FAM118A: variants seen among roughly 807,000 people sequenced by gnomAD.
The protein encoded by FAM118A is SIR2 antiphage like 2, also known as protein FAM118A.
FAM118A carries 25 observed loss-of-function variants against 38.2 expected under a neutral mutation model. That is an observed-to-expected ratio of 0.65 (90% CI 0.48 to 0.91). The LOEUF is 0.91. Ranked by LOEUF, FAM118A falls within the 40% of genes least tolerant of loss-of-function variation. The pLI, the probability that FAM118A is intolerant of heterozygous loss-of-function variation, is 0.00. For synonymous variants in FAM118A, 178 were observed against 184.1 expected (o/e 0.97, Z 0.27); for missense variants, 425 against 463.3 (o/e 0.92, Z 0.76).
At chr22:45,312,826 A>G (rs1221053867) in intron 1 of FAM118A, among the ~76,000 whole-genome samples, 2 of 152,204 alleles carry the variant, frequency 1.3e-5, no homozygotes, top group Non-Finnish European at 2.9e-5. Flanking sequence ...GGGGTGTACC[A>G]TTCTCCAGAA....
chr22:45,341,809 A>T lies in FAM118A; in HGVS notation c.*1404A>T, dbSNP rs1174324042. 1 of 152,214 alleles carries T rather than the reference A, an allele frequency of 6.6e-6. No individual in the cohort carries two copies. Among genetic ancestry groups the T allele is most frequent in the Non-Finnish European group, 1.5e-5 (1 of 68,044 alleles). The allele number at this position is 152,214 out of a possible 1,614,324, so 9.4% of individuals were successfully genotyped here. Reference sequence around the variant, plus strand: ...GTGACACTCCCCATTGATGACTCCCATAGGTACAGATAAAGTTAAGAACAG... The same window carrying T: ...GTGACACTCCCCATTGATGACTCCCTTAGGTACAGATAAAGTTAAGAACAG... On this transcript the variant is annotated 3_prime_UTR_variant, in exon 9 of 9. Transcript: ENST00000441876.
At chr22:45,338,837 G>C (rs2086278442) in intron 8 of FAM118A, among the ~76,000 whole-genome samples, 1 of 152,194 alleles carries the variant, frequency 6.6e-6, no homozygotes, top group Admixed American at 6.5e-5. Context: ...TCATGTCCCT[G>C]CACGTTCCTT....
At chr22:45,335,808 C>T (rs904265629) in intron 7 of FAM118A, among the ~76,000 whole-genome samples, 1 of 152,228 alleles carries the variant, frequency 6.6e-6, no homozygotes, top group African/African-American at 2.4e-5. Context: ...AATGTGAACG[C>T]TCTTCTTGCT....
intron 3 of FAM118A, 41 bp from the exon 4 acceptor site, chr22:45,327,801 A>T: frequency 6.3e-7 from 1 of 1,599,416 alleles, no homozygotes. Flanking sequence ...GTAGTTGTTA[A>T]GAGCTGATGT....
At chr22:45,334,885 C>G (rs1302665986) in intron 6 of FAM118A, 1 of 160,690 alleles carries the variant, frequency 6.2e-6, no homozygotes, top group African/African-American at 2.4e-5. Flanking sequence ...CCAGAGTAAC[C>G]CTGCATGTGC....
chr22:45,336,228 G>T, intron 7 of FAM118A, 100 bp from the exon 8 acceptor site: 1 of 812,294 alleles, frequency 1.2e-6, no homozygotes, highest in Admixed American at 2.4e-5. Flanking sequence ...TGGATGGCAG[G>T]GTCTGCTTGG....
chr22:45,317,328 G>A (rs1221644411), intron 1 of FAM118A, among the ~76,000 whole-genome samples: 4 of 152,320 alleles, frequency 2.6e-5, no homozygotes, highest in East Asian at 3.9e-4. Context: ...GCACCAAGCC[G>A]AGATTGCGCC....
intron 1 of FAM118A, among the ~76,000 whole-genome samples, chr22:45,314,786 C>T (rs1237414816): frequency 1.3e-5 from 2 of 152,206 alleles, no homozygotes; most frequent in East Asian, 3.8e-4. Flanking sequence ...TAATGTGTCA[C>T]ATCTGGTGGA....
At chr22:45,323,041 CTGTGTGTGTGTG>C (rs3041118) in intron 2 of FAM118A, 122 bp from the exon 3 acceptor site, 50 of 659,782 alleles carry the variant, frequency 7.6e-5, no homozygotes, top group South Asian at 2.0e-4. Context: ...TCAGAGGGGA[CTGTGTGTGTGTG>C]TGTGTGTGTG....
chr22:45,335,638 T>C (rs375219324), intron 7 of FAM118A, among the ~76,000 whole-genome samples: 1 of 152,186 alleles, frequency 6.6e-6, no homozygotes, highest in Admixed American at 6.5e-5. Context: ...AATAATTTCT[T>C]GCCCTAGAAC....
chr22:45,327,822 G>A lies in FAM118A; in HGVS notation c.301-20G>A, dbSNP rs763617453. On this transcript the variant is annotated intron_variant, in intron 3 of 8. Transcript: ENST00000441876. ...GTTAAGAGCTGATGTTTTGGTAACTGTCGTTCCACCTTTTTGTAGCGCACA... is the reference window on the plus strand; with the variant it reads ...GTTAAGAGCTGATGTTTTGGTAACTATCGTTCCACCTTTTTGTAGCGCACA... 6.2e-7 allele frequency: 1 copy of A among 1,613,574 alleles called. No homozygotes were observed. The highest frequency in any genetic ancestry group is 1.1e-5 in the South Asian group (1 of 91,056).
chr22:45,338,540 C>T (rs545843646), intron 8 of FAM118A, among the ~76,000 whole-genome samples: 2 of 152,296 alleles, frequency 1.3e-5, no homozygotes, highest in South Asian at 2.1e-4. Flanking sequence ...CTCTTGTTTT[C>T]TTAGTTACCT....
At chr22:45,319,523 TC>T (rs1367605242) in intron 1 of FAM118A, among the ~76,000 whole-genome samples, 3 of 152,200 alleles carry the variant, frequency 2.0e-5, no homozygotes, top group Admixed American at 1.3e-4. Context: ...ACTCAGCAGT[TC>T]CAGCTGCCAG....
At chr22:45,332,294 G>A (rs980177887) in intron 5 of FAM118A, 131 bp from the exon 6 acceptor site, 8 of 900,832 alleles carry the variant, frequency 8.9e-6, no homozygotes, top group Non-Finnish European at 1.4e-5. Context: ...TTCTAACTGT[G>A]CTCCTCAGCG....
At chr22:45,312,982 C>A (rs1468516021) in intron 1 of FAM118A, among the ~76,000 whole-genome samples, 1 of 152,112 alleles carries the variant, frequency 6.6e-6, no homozygotes, top group African/African-American at 2.4e-5. Flanking sequence ...CCTCTCTTCC[C>A]CAGGTTAGTG....
chr22:45,323,098 C>T lies in FAM118A; in HGVS notation c.48-77C>T, dbSNP rs748000782. The T allele has an allele frequency of 9.5e-5, 145 of 1,521,272 alleles. No individual in the cohort carries two copies. The Middle Eastern group carries it at 2.4e-3, about 25-fold the overall frequency. 94.2% of individuals were successfully genotyped at this position (1,521,272 alleles called of 1,614,324 possible). A position where few individuals can be genotyped will look rare whatever the true frequency, so the allele number is the denominator to read the frequency against. ...GTGTACACAGCACAAGGCCGGAACT[C>T]GCAGACAGTTCCAGACTTTGTGTTT... On this transcript the variant is annotated intron_variant, in intron 2 of 8. Coordinates refer to ENST00000441876, the MANE Select transcript of FAM118A (RefSeq NM_017911.4).
In FAM118A at chr22:45,327,871, C is replaced by T. The variant is rs775243233; in HGVS notation, c.330C>T (p.Phe110=). ...CAGGCGATGCCAAGCCCAGCTTCTTCCAGGACTGCCTGATGGAGGTGTTTG... is the reference window on the plus strand; with the variant it reads ...CAGGCGATGCCAAGCCCAGCTTCTTTCAGGACTGCCTGATGGAGGTGTTTG... ...PRTGDAKPSF[F]QDCLMEVFDD... Residue 110 remains phenylalanine, a synonymous_variant, in exon 4 of 9, where the codon TTC becomes TTT. Transcript: ENST00000441876. 1.2e-6 allele frequency: 2 copies of T among 1,614,266 alleles called. No individual in the cohort carries two copies. The highest frequency in any genetic ancestry group is 2.2e-5 in the South Asian group (2 of 91,086).
At chr22:45,336,860 T>C (rs1458704898) in intron 8 of FAM118A, among the ~76,000 whole-genome samples, 1 of 152,218 alleles carries the variant, frequency 6.6e-6, no homozygotes, top group Non-Finnish European at 1.5e-5. Flanking sequence ...GGGTGACCAC[T>C]AGCCTGATGC....
chr22:45,337,753 C>G (rs1289054350), intron 8 of FAM118A: 2 of 839,928 alleles, frequency 2.4e-6, no homozygotes, highest in Non-Finnish European at 1.4e-6. Flanking sequence ...TCTGGCCCCC[C>G]ATCCATCCTG....
Sources: allele counts gnomAD v4.1 joint callset (sites outside exome capture counted in the v4.1 genomes callset), GRCh38; gene constraint gnomAD v4.1.1; transcripts MANE v1.5; gene names NCBI Gene and HGNC (gene_info 2026-07-23, HGNC 2026-07-21).